TPTE2: variants seen among roughly 807,000 people sequenced by gnomAD.
TPTE2 encodes phosphatidylinositol 3,4,5-trisphosphate 3-phosphatase TPTE2.
Under a neutral mutation model 78.6 loss-of-function variants are expected in TPTE2, and 53 were observed. That is an observed-to-expected ratio of 0.67 (90% CI 0.54 to 0.85). TPTE2 has a LOEUF of 0.85. Among genes scored for constraint, TPTE2 ranks in the 40% least tolerant of loss-of-function variants. The pLI, the probability that TPTE2 is intolerant of heterozygous loss-of-function variation, is 0.00. For synonymous variants in TPTE2, 175 were observed against 206.2 expected, an observed-to-expected ratio of 0.85 and a Z score of 1.30; for missense variants, 461 against 623.0, an observed-to-expected ratio of 0.74 and a Z score of 2.77.
At chr13:19,491,385 A>G (rs1403283099) in intron 3 of TPTE2, among the ~76,000 whole-genome samples, 1 of 152,242 alleles carries the variant, frequency 6.6e-6, no homozygotes. Flanking sequence ...AATATGAAAT[A>G]CATACATATA....
At chr13:19,503,866 G>A (rs573993376), upstream of TPTE2, among the ~76,000 whole-genome samples, 542 of 152,016 alleles carry the variant, frequency 3.6e-3, 4 homozygotes, top group South Asian at 0.021. Flanking sequence ...TCAGCCTCCT[G>A]AGTACCTGGG....
intron 1 of TPTE2, among the ~76,000 whole-genome samples, chr13:19,531,693 A>T (rs1870882646): frequency 6.6e-6 from 1 of 151,662 alleles, no homozygotes; most frequent in Non-Finnish European, 1.5e-5. Flanking sequence ...TTGGGAGGCC[A>T]AGGCAGACAG....
intron 13 of TPTE2, among the ~76,000 whole-genome samples, chr13:19,439,660 T>G (rs1877361214): frequency 6.6e-6 from 1 of 152,094 alleles, no homozygotes; most frequent in Non-Finnish European, 1.5e-5. Context: ...AAGCTTGGGT[T>G]GCAAGGAAGC....
intron 15 of TPTE2, among the ~76,000 whole-genome samples, chr13:19,435,557 A>G (rs890842505): frequency 2.0e-5 from 3 of 152,176 alleles, no homozygotes; most frequent in African/African-American, 4.8e-5. Context: ...ACTTTTGTAT[A>G]TGATTAAAAA....
At chr13:19,515,021 T>C (rs1869708996) in intron 1 of TPTE2, among the ~76,000 whole-genome samples, 1 of 152,154 alleles carries the variant, frequency 6.6e-6, no homozygotes, top group African/African-American at 2.4e-5. Context: ...ATATTCAGCA[T>C]TTTGCCAATA....
chr13:19,439,067 G>A (rs1356251247), intron 13 of TPTE2, among the ~76,000 whole-genome samples: 1 of 152,188 alleles, frequency 6.6e-6, no homozygotes, highest in East Asian at 1.9e-4. Flanking sequence ...ACCTGGACTG[G>A]CAGCAGGACA....
At chr13:19,561,291 G>GC in the TPTE2 span, 1 of 968,816 alleles carries the variant, frequency 1.0e-6, no homozygotes, top group Non-Finnish European at 1.5e-6. Flanking sequence ...CTGCCCTCCT[G>GC]CCCCAGCATG....
At chr13:19,485,582 G>A (rs1274798464) in intron 3 of TPTE2, among the ~76,000 whole-genome samples, 3 of 152,262 alleles carry the variant, frequency 2.0e-5, no homozygotes, top group South Asian at 4.1e-4. Flanking sequence ...TCTCTCAAGA[G>A]TTAGGAAGTT....
upstream of TPTE2, among the ~76,000 whole-genome samples, chr13:19,503,687 A>T (rs1261493989): frequency 1.3e-5 from 2 of 152,158 alleles, no homozygotes; most frequent in Non-Finnish European, 2.9e-5. Context: ...GGGTAAAGTA[A>T]CTGCAGGTCT....
At chr13:19,543,602 C>T in the TPTE2 span, among the ~76,000 whole-genome samples, 69 of 144,074 alleles carry the variant, frequency 4.8e-4, no homozygotes, top group Middle Eastern at 3.9e-3. Flanking sequence ...GTGATCCACC[C>T]CCCTCAGCCT....
intron 1 of TPTE2, among the ~76,000 whole-genome samples, chr13:19,530,465 T>G (rs188813066): frequency 6.6e-6 from 1 of 152,336 alleles, no homozygotes; most frequent in Non-Finnish European, 1.5e-5. Context: ...GGATAATATG[T>G]GCTTCTCTCT....
intron 13 of TPTE2, among the ~76,000 whole-genome samples, chr13:19,446,901 C>T (rs934169114): frequency 6.6e-6 from 1 of 152,050 alleles, no homozygotes; most frequent in Non-Finnish European, 1.5e-5. Flanking sequence ...TGAGATCATG[C>T]CACTGCACTC....
intron 4 of TPTE2, among the ~76,000 whole-genome samples, chr13:19,479,918 T>A (rs147753645): frequency 5.8e-4 from 87 of 150,412 alleles, no homozygotes; most frequent in Middle Eastern, 6.8e-3. Context: ...AGCTGAGTGG[T>A]GTCACTGCAC....
At chr13:19,531,561 G>T (rs1870868114) in intron 1 of TPTE2, among the ~76,000 whole-genome samples, 1 of 151,424 alleles carries the variant, frequency 6.6e-6, no homozygotes, top group Non-Finnish European at 1.5e-5. Flanking sequence ...TGTCAGTTTG[G>T]TCTATTTTTA....
At chr13:19,451,336 T>A in intron 10 of TPTE2, 111 bp from the exon 14 acceptor site, 3 of 1,337,860 alleles carry the variant, frequency 2.2e-6, no homozygotes, top group Non-Finnish European at 3.1e-6. Context: ...CTCACTAGCA[T>A]CTTCTAGGGG....
chr13:19,509,934 C>T (rs1869319395), intron 1 of TPTE2, among the ~76,000 whole-genome samples: 1 of 152,176 alleles, frequency 6.6e-6, no homozygotes. Context: ...CCCTACCTAA[C>T]ACCATATTTA....
chr13:19,538,421 C>T (rs938318175), upstream of TPTE2, among the ~76,000 whole-genome samples: 3 of 152,060 alleles, frequency 2.0e-5, no homozygotes, highest in Non-Finnish European at 4.4e-5. Context: ...AGGGTTTCAC[C>T]GTGTTAGCCA....
chr13:19,483,489 T>C (rs992614042), intron 3 of TPTE2, among the ~76,000 whole-genome samples: 8 of 152,140 alleles, frequency 5.3e-5, no homozygotes, highest in Non-Finnish European at 1.0e-4. Context: ...GTCATATCTG[T>C]CATGAGGTCT....
chr13:19,451,782 TA>T (rs1467187776), intron 10 of TPTE2, among the ~76,000 whole-genome samples: 2 of 151,504 alleles, frequency 1.3e-5, no homozygotes, highest in African/African-American at 4.8e-5. Flanking sequence ...TTTATTTTTT[TA>T]AATGAAGATA....
Sources: allele counts gnomAD v4.1 joint callset (sites outside exome capture counted in the v4.1 genomes callset), GRCh38; gene constraint gnomAD v4.1.1; transcripts MANE v1.5; gene names NCBI Gene and HGNC (gene_info 2026-07-23, HGNC 2026-07-21).